The following MBTD1 variants were observed in gnomAD, a reference collection of about 807,000 sequenced individuals.
The protein encoded by MBTD1 is MBT domain-containing protein 1.
In MBTD1, 24 loss-of-function variants were observed where a neutral mutation model predicts 87.8. The observed-to-expected ratio is 0.27, with a 90% CI of 0.20 to 0.38. MBTD1 has a LOEUF of 0.38. MBTD1 is among the 10% of genes least tolerant of loss of function. The probability of loss-of-function intolerance (pLI) is 1.00; values close to 1 mark genes in which losing one functional copy is unlikely to be tolerated. For synonymous variants in MBTD1, 237 were observed against 248.6 expected, an observed-to-expected ratio of 0.95 and a Z score of 0.44; for missense variants, 436 against 760.2, an observed-to-expected ratio of 0.57 and a Z score of 5.02.
intron 4 of MBTD1, among the ~76,000 whole-genome samples, chr17:51,219,284 A>G (rs1568194968): frequency 6.6e-6 from 1 of 152,212 alleles, no homozygotes; most frequent in Non-Finnish European, 1.5e-5. Context: ...ATGCAAATTA[A>G]TATGTTAATA....
chr17:51,192,881 C>T lies in MBTD1; in HGVS notation c.1591G>A (p.Glu531Lys). ...CAGTCTACCCACTGATCATACTCTT[C>T]TTCCCATCCATCAAAATGTATCCTC... Reference protein sequence around the residue: ...LLRIHFDGWEEEYDQWVDCES... With the variant: ...LLRIHFDGWEKEYDQWVDCES... The change falls in exon 15 of 17, where the codon GAA becomes AAA. Residue 531 changes from glutamate to lysine, a missense_variant. Glu to Lys is a moderately conservative substitution (Grantham distance 56). This residue lies in a region of MBTD1 where 80 missense variants were observed against 182.2 expected (regional missense o/e 0.44). Transcript: ENST00000586178. 1 of 1,614,182 alleles carries T rather than the reference C, an allele frequency of 6.2e-7. No homozygotes were observed. Among genetic ancestry groups the T allele is most frequent in the Non-Finnish European group, 8.5e-7 (1 of 1,180,018 alleles).
At chr17:51,189,461 T>C in intron 16 of MBTD1, among the ~76,000 whole-genome samples, 1 of 152,164 alleles carries the variant, frequency 6.6e-6, no homozygotes, top group East Asian at 1.9e-4. Flanking sequence ...TAATGGTAAA[T>C]ATCACTAAAA....
chr17:51,222,804 CATA>C (rs574255533), intron 3 of MBTD1, among the ~76,000 whole-genome samples: 159 of 151,242 alleles, frequency 1.1e-3, no homozygotes, highest in African/African-American at 3.6e-3. Flanking sequence ...CTGAGCTGTT[CATA>C]ATTTTTTTTA....
chr17:51,256,368 T>A (rs767755395), intron 2 of MBTD1: 1 of 152,196 alleles, frequency 6.6e-6, no homozygotes, highest in Non-Finnish European at 1.5e-5. Context: ...TCTACTAGAC[T>A]AAATTCTAAA....
chr17:51,252,369 A>G (rs1324025522), intron 2 of MBTD1, among the ~76,000 whole-genome samples: 2 of 152,180 alleles, frequency 1.3e-5, no homozygotes, highest in Non-Finnish European at 2.9e-5. Flanking sequence ...CTGTAAGCAT[A>G]CAAAACAAGC....
intron 2 of MBTD1, among the ~76,000 whole-genome samples, chr17:51,244,143 C>T (rs193059543): frequency 6.6e-6 from 1 of 152,168 alleles, no homozygotes; most frequent in African/African-American, 2.4e-5. Context: ...GAAATCTCAC[C>T]GCCATTCTTA....
chr17:51,234,201 T>C (rs1322573447), intron 2 of MBTD1, among the ~76,000 whole-genome samples: 1 of 151,922 alleles, frequency 6.6e-6, no homozygotes, highest in African/African-American at 2.4e-5. Flanking sequence ...GAGACCAACC[T>C]GGCCAATGTA....
intron 12 of MBTD1, among the ~76,000 whole-genome samples, chr17:51,198,302 G>T (rs1418483369): frequency 6.6e-6 from 1 of 152,188 alleles, no homozygotes; most frequent in Non-Finnish European, 1.5e-5. Flanking sequence ...GTTCAGGCCA[G>T]TACCTGTACC....
intron 6 of MBTD1, among the ~76,000 whole-genome samples, chr17:51,215,570 A>G (rs1190391821): frequency 6.6e-6 from 1 of 152,346 alleles, no homozygotes; most frequent in South Asian, 2.1e-4. Context: ...TCTAATTCTG[A>G]GCGTCAAGAA....
In MBTD1 at chr17:51,179,510, A is replaced by ATATATATATT. The variant is rs1568136027; in HGVS notation, c.*1065_*1066insAATATATATA. 8 of 95,714 alleles carry ATATATATATT rather than the reference A, an allele frequency of 8.4e-5. No individual in the cohort carries two copies. The highest frequency in any genetic ancestry group is 5.9e-4 in the East Asian group (2 of 3,408). The allele number at this position is 95,714 out of a possible 1,614,324, so 5.9% of individuals were successfully genotyped here. A position where few individuals can be genotyped will look rare whatever the true frequency, so the allele number is the denominator to read the frequency against. On this transcript the variant is annotated 3_prime_UTR_variant, in exon 17 of 17. Coordinates refer to ENST00000586178, the MANE Select transcript of MBTD1 (RefSeq NM_017643.3). ...TATATATATATATATATATATATATATATATATATATATATATATATATAT... is the reference window on the plus strand; with the variant it reads ...TATATATATATATATATATATATATATATATATATTTATATATATATATATATATATATAT...
upstream of MBTD1, chr17:51,260,531 C>T (rs1292824119): frequency 1.9e-5 from 30 of 1,548,584 alleles, no homozygotes; most frequent in Non-Finnish European, 2.6e-5. Context: ...GGGGCCTGGG[C>T]GCATGCGCAG....
intron 2 of MBTD1, among the ~76,000 whole-genome samples, chr17:51,255,754 C>A (rs1191129466): frequency 6.6e-6 from 1 of 152,038 alleles, no homozygotes; most frequent in Non-Finnish European, 1.5e-5. Context: ...TGTGCCACCA[C>A]ACCTAATTTT....
rs1331942395 is a variant in MBTD1 at position 51,195,278 on chromosome 17, G to A, written c.1308C>T (p.Thr436=). 1 of 1,612,868 alleles carries A rather than the reference G, an allele frequency of 6.2e-7. No homozygotes were observed. Among genetic ancestry groups the A allele is most frequent in the Non-Finnish European group, 8.5e-7 (1 of 1,179,398 alleles). The change falls in exon 13 of 17, where the codon ACC becomes ACT. Residue 436 remains threonine (T), a synonymous_variant. Transcript: ENST00000586178. ...AACCGACAGGGAAAATAGAAGGAGA[G>A]GTTGCATGGTAACAGAACCAGTCAG... ...DGSDWFCYHA[T]SPSIFPVGFC...
At chr17:51,185,038 T>G (rs2050473094) in intron 16 of MBTD1, 1 of 151,982 alleles carries the variant, frequency 6.6e-6, no homozygotes, top group South Asian at 2.1e-4. Flanking sequence ...AGGCAAAAGC[T>G]AAAGAACATA....
At chr17:51,193,832 G>A (rs1386551349) in intron 13 of MBTD1, among the ~76,000 whole-genome samples, 4 of 152,136 alleles carry the variant, frequency 2.6e-5, no homozygotes, top group Admixed American at 2.6e-4. Context: ...TGTTGCCCGG[G>A]TTGTTCTCAA....
At chr17:51,200,139 T>C (rs2051378127) in intron 12 of MBTD1, among the ~76,000 whole-genome samples, 1 of 151,648 alleles carries the variant, frequency 6.6e-6, no homozygotes, top group South Asian at 2.1e-4. Context: ...ATAATTGTTT[T>C]TCTTTTAGCT....
intron 12 of MBTD1, among the ~76,000 whole-genome samples, chr17:51,199,259 G>A (rs190400155): frequency 6.6e-6 from 1 of 150,880 alleles, no homozygotes; most frequent in Non-Finnish European, 1.5e-5. Context: ...CCCAGGCCCA[G>A]CTAATTTTTT....
intron 2 of MBTD1, among the ~76,000 whole-genome samples, chr17:51,254,426 A>G (rs891623686): frequency 6.6e-6 from 1 of 152,348 alleles, no homozygotes; most frequent in Admixed American, 6.5e-5. Flanking sequence ...AATTCATGTC[A>G]ATGATACAAT....
chr17:51,204,880 T>TTTTTAAA, intron 7 of MBTD1, among the ~76,000 whole-genome samples: 1 of 152,200 alleles, frequency 6.6e-6, no homozygotes, highest in Non-Finnish European at 1.5e-5. Flanking sequence ...ATGTGGCTAC[T>TTTTTAAA]TTAAGAATCT....
Sources: allele counts gnomAD v4.1 joint callset (sites outside exome capture counted in the v4.1 genomes callset), GRCh38; gene constraint gnomAD v4.1.1; regional missense constraint gnomAD v4.1.1; transcripts MANE v1.5; gene names NCBI Gene and HGNC (gene_info 2026-07-23, HGNC 2026-07-21).